CMIP: variants seen among roughly 807,000 people sequenced by gnomAD.
CMIP encodes c-Maf inducing protein.
In CMIP, 13 loss-of-function variants were observed where a neutral mutation model predicts 97.3. That is an observed-to-expected ratio of 0.13 (90% CI 0.09 to 0.21). The LOEUF (loss-of-function observed/expected upper bound fraction) is 0.21. Among genes scored for constraint, CMIP ranks in the 10% least tolerant of loss-of-function variants. The pLI, the probability that CMIP is intolerant of heterozygous loss-of-function variation, is 1.00. For synonymous variants in CMIP, 538 were observed against 436.3 expected (o/e 1.23, Z -2.91); for missense variants, 847 against 1,024.9 (o/e 0.83, Z 2.37).
intron 15 of CMIP, among the ~76,000 whole-genome samples, chr16:81,700,891 A>G (rs1907320741): frequency 6.6e-6 from 1 of 152,122 alleles, no homozygotes; most frequent in African/African-American, 2.4e-5. Flanking sequence ...GTCCTGTGAC[A>G]GGGATTCGGA....
chr16:81,709,104 A>G (rs1441997473), intron 20 of CMIP, among the ~76,000 whole-genome samples: 1 of 152,140 alleles, frequency 6.6e-6, no homozygotes, highest in African/African-American at 2.4e-5. Flanking sequence ...GCAGAAAACA[A>G]TGGAGAGACA....
intron 3 of CMIP, among the ~76,000 whole-genome samples, chr16:81,636,742 T>TAA (rs1193488663): frequency 1.3e-5 from 2 of 152,138 alleles, no homozygotes; most frequent in African/African-American, 4.8e-5. Context: ...CTTCCTGCAA[T>TAA]AATTTGAAAC....
intron 1 of CMIP, among the ~76,000 whole-genome samples, chr16:81,584,324 CG>C (rs1476080198): frequency 6.6e-6 from 1 of 152,140 alleles, no homozygotes; most frequent in Non-Finnish European, 1.5e-5. Context: ...GGAAGTACTT[CG>C]ATGTCCTCCA....
At chr16:81,596,202 T>A (rs895689073) in intron 1 of CMIP, among the ~76,000 whole-genome samples, 1 of 152,196 alleles carries the variant, frequency 6.6e-6, no homozygotes, top group Non-Finnish European at 1.5e-5. Flanking sequence ...AAAATCTGAT[T>A]TATTTTTTTA....
At chr16:81,542,436 C>A (rs1377544504) in intron 1 of CMIP, among the ~76,000 whole-genome samples, 3 of 152,146 alleles carry the variant, frequency 2.0e-5, no homozygotes, top group Non-Finnish European at 4.4e-5. Context: ...AGATTGGTAG[C>A]ATGGCGTGCG....
At chr16:81,640,005 G>A (rs2092284543) in intron 3 of CMIP, among the ~76,000 whole-genome samples, 1 of 152,176 alleles carries the variant, frequency 6.6e-6, no homozygotes, top group African/African-American at 2.4e-5. Context: ...AGGACAGCTT[G>A]GGGCCGGAAT....
chr16:81,552,645 A>G (rs2090681696), intron 1 of CMIP, among the ~76,000 whole-genome samples: 1 of 152,142 alleles, frequency 6.6e-6, no homozygotes, highest in African/African-American at 2.4e-5. Context: ...AGAATCTCCC[A>G]TCTCAAGGTC....
At chr16:81,680,012 A>C (rs1282543216) in intron 10 of CMIP, among the ~76,000 whole-genome samples, 2 of 152,214 alleles carry the variant, frequency 1.3e-5, no homozygotes, top group Admixed American at 6.5e-5. Context: ...AGGAGTTTTG[A>C]ATCCAGAGAC....
chr16:81,483,491 C>G (rs1171353535), intron 1 of CMIP, among the ~76,000 whole-genome samples: 2 of 152,158 alleles, frequency 1.3e-5, no homozygotes, highest in Admixed American at 1.3e-4. Context: ...GCTGTGTCTG[C>G]TCTAATACAT....
chr16:81,514,910 C>A (rs2089883239), intron 1 of CMIP, among the ~76,000 whole-genome samples: 2 of 152,230 alleles, frequency 1.3e-5, no homozygotes, highest in Admixed American at 1.3e-4. Context: ...GGAGCTACCA[C>A]AGACCAAGTG....
At chr16:81,597,595 G>A (rs897048610) in intron 1 of CMIP, among the ~76,000 whole-genome samples, 18 of 97,762 alleles carry the variant, frequency 1.8e-4, no homozygotes, top group Non-Finnish European at 3.3e-4. Context: ...GAGGGGAGCG[G>A]GGGGGGGGGA....
Position 81,479,268 on chromosome 16 carries a change from G to A in CMIP, c.300+33727G>A, listed in dbSNP as rs1165496982. Among the ~76,000 whole-genome samples the A allele has an allele frequency of 2.0e-5, 3 of 152,226 alleles. No individual in the cohort carries two copies. The East Asian group carries it at 5.8e-4, about 29-fold the overall frequency. ...AAGATGTCATCTCCTATGGTAAGGA[G>A]GTGGGGGCTACAGGTAGCTGAGGTG... On this transcript the variant is annotated intron_variant, in intron 1 of 20. Transcript: ENST00000537098.
intron 1 of CMIP, among the ~76,000 whole-genome samples, chr16:81,466,030 CTT>C (rs199774994): frequency 0.01 from 1,395 of 132,878 alleles, 31 homozygotes; most frequent in African/African-American, 0.039. Context: ...TTTCTTCTCT[CTT>C]GTTTTCATTT....
At chr16:81,607,430 C>T in intron 1 of CMIP, 137 bp from the exon 2 acceptor site, 1 of 1,109,518 alleles carries the variant, frequency 9.0e-7, no homozygotes, top group African/African-American at 1.6e-5. Flanking sequence ...CTTTGGTCAC[C>T]AGAGGTGCTG....
chr16:81,468,841 G>A (rs760780533), intron 1 of CMIP, among the ~76,000 whole-genome samples: 1 of 152,250 alleles, frequency 6.6e-6, no homozygotes. Context: ...GAGGGGCCTG[G>A]TGAGGCCTGG....
At chr16:81,538,838 C>G (rs557048192) in intron 1 of CMIP, among the ~76,000 whole-genome samples, 2 of 151,840 alleles carry the variant, frequency 1.3e-5, no homozygotes, top group Admixed American at 6.6e-5. Context: ...TTTTCACAGG[C>G]AAGTTGATTC....
intron 14 of CMIP, chr16:81,697,556 C>T (rs1189554709): frequency 6.6e-6 from 1 of 152,272 alleles, no homozygotes; most frequent in Non-Finnish European, 1.5e-5. Context: ...TGGTAACTTG[C>T]CTCTGCCAGC....
At chr16:81,696,468 C>G (rs2151088268) in intron 13 of CMIP, 92 bp from the exon 14 acceptor site, 1 of 1,303,506 alleles carries the variant, frequency 7.7e-7, no homozygotes. Flanking sequence ...CAGGACTTGC[C>G]TGAGCCTTTC....
At chr16:81,496,966 A>C (rs865846856) in intron 1 of CMIP, among the ~76,000 whole-genome samples, 1 of 152,260 alleles carries the variant, frequency 6.6e-6, no homozygotes, top group Non-Finnish European at 1.5e-5. Flanking sequence ...TGGGGGGTTC[A>C]ACAGTTGGAA....
Sources: gnomAD v4.1 joint callset for allele counts (sites outside exome capture counted in the v4.1 genomes callset) on GRCh38, gnomAD v4.1.1 for gene constraint, MANE v1.5 for transcripts, NCBI Gene and HGNC (gene_info 2026-07-23, HGNC 2026-07-21) for gene names.